INTS4: variants seen among roughly 807,000 people sequenced by gnomAD.
The protein encoded by INTS4 is MSTP093.
A neutral mutation model predicts 119.5 loss-of-function variants in INTS4; 70 were observed. The observed-to-expected ratio is 0.59, with a 90% CI of 0.48 to 0.71. The LOEUF (loss-of-function observed/expected upper bound fraction) is 0.71, where lower values mean the gene tolerates loss of function less well. INTS4 is among the 30% of genes least tolerant of loss of function. The probability of loss-of-function intolerance (pLI) is 0.00; values close to 1 mark genes in which losing one functional copy is unlikely to be tolerated. For synonymous variants in INTS4, 316 were observed against 419.6 expected (o/e 0.75, Z 3.02); for missense variants, 867 against 1,173.2 (o/e 0.74, Z 3.81).
At chr11:77,911,302 T>C (rs963793435) in intron 15 of INTS4, 26 of 302,964 alleles carry the variant, frequency 8.6e-5, no homozygotes, top group Admixed American at 1.6e-4. Flanking sequence ...GCCAAGACCA[T>C]AGACTAGCTA....
chr11:77,945,682 G>A (rs1310066677), intron 8 of INTS4, among the ~76,000 whole-genome samples: 1 of 152,106 alleles, frequency 6.6e-6, no homozygotes, highest in Non-Finnish European at 1.5e-5. Flanking sequence ...TGCCAAGTAT[G>A]CACACGCCAG....
In INTS4 at chr11:77,949,000, C is replaced by T. The variant is rs192151035; in HGVS notation, c.918+6942G>A. Among the ~76,000 whole-genome samples the T allele has an allele frequency of 8.1e-3, 1,237 of 152,042 alleles. 12 individuals are homozygous for T. The highest frequency in any genetic ancestry group is 0.014 in the Non-Finnish European group (922 of 67,986). ...CAATCTGGTTTTTAGTTTTTTTTAG[C>T]GACAGTTTCGCTGTTATCCAGGCTG... On this transcript the variant is annotated intron_variant, in intron 8 of 22. Coordinates refer to ENST00000534064, the MANE Select transcript of INTS4 (RefSeq NM_033547.4).
intron 10 of INTS4, among the ~76,000 whole-genome samples, chr11:77,936,495 G>C (rs1422135930): frequency 1.3e-5 from 2 of 152,064 alleles, no homozygotes; most frequent in East Asian, 1.9e-4. Flanking sequence ...CAATCCTCCT[G>C]CCTCAGCCTC....
intron 4 of INTS4, among the ~76,000 whole-genome samples, chr11:77,973,175 G>A (rs1219925990): frequency 2.0e-5 from 3 of 151,994 alleles, no homozygotes; most frequent in Non-Finnish European, 4.4e-5. Context: ...TACTGTAATT[G>A]AATTATTTTC....
chr11:77,937,174 C>G (rs59622740), intron 10 of INTS4, among the ~76,000 whole-genome samples: 1 of 151,194 alleles, frequency 6.6e-6, no homozygotes, highest in Non-Finnish European at 1.5e-5. Flanking sequence ...CCCCGCCACA[C>G]CCCCCGAAAA....
At chr11:77,897,776 G>A (rs1952595718) in intron 18 of INTS4, among the ~76,000 whole-genome samples, 1 of 151,456 alleles carries the variant, frequency 6.6e-6, no homozygotes, top group Non-Finnish European at 1.5e-5. Context: ...AAGTGCTGGG[G>A]TTACAGGCGT....
intron 4 of INTS4, among the ~76,000 whole-genome samples, chr11:77,974,215 T>C (rs547923184): frequency 6.6e-6 from 1 of 150,804 alleles, no homozygotes; most frequent in Non-Finnish European, 1.5e-5. Flanking sequence ...TTATCTAATT[T>C]ATTGGTATAT....
intron 15 of INTS4, among the ~76,000 whole-genome samples, chr11:77,917,646 A>AGAATTT (rs1389741165): frequency 2.0e-5 from 3 of 150,564 alleles, no homozygotes; most frequent in African/African-American, 7.3e-5. Context: ...CAAACAATAA[A>AGAATTT]GAATTTAAAC....
intron 4 of INTS4, among the ~76,000 whole-genome samples, chr11:77,964,892 C>T (rs772053365): frequency 2.9e-4 from 44 of 151,994 alleles, no homozygotes; most frequent in African/African-American, 9.2e-4. Context: ...TATCTCTCCA[C>T]AAATTATCTA....
intron 21 of INTS4, among the ~76,000 whole-genome samples, chr11:77,888,569 G>C (rs952646508): frequency 6.6e-6 from 1 of 152,116 alleles, no homozygotes; most frequent in Admixed American, 6.6e-5. Context: ...CCAAAATTGA[G>C]AAATGGGATC....
rs1188212500 is a variant in INTS4 at position 77,963,470 on chromosome 11, T to C, written c.472-2332A>G. On this transcript the variant is annotated intron_variant, in intron 4 of 22. Transcript: ENST00000534064. ...CAGATGCTATTTGGGTGTTACACATTTTGTCAGGCCATTGAAGTGCCATAA... is the reference window on the plus strand; with the variant it reads ...CAGATGCTATTTGGGTGTTACACATCTTGTCAGGCCATTGAAGTGCCATAA... The C allele has an allele frequency of 7.0e-6, 3 of 427,636 alleles. No homozygotes were observed. The East Asian group carries it at 2.2e-4, about 31-fold the overall frequency. 26.5% of individuals were successfully genotyped at this position (427,636 alleles called of 1,614,324 possible).
rs761413174 is a variant in INTS4 at position 77,938,683 on chromosome 11, G to A, written c.1133C>T (p.Ala378Val). 15 of 1,611,564 alleles carry A rather than the reference G, an allele frequency of 9.3e-6. No homozygotes were observed. The Admixed American group carries it at 1.3e-4, about 14-fold the overall frequency. Residue 378 changes from alanine (A) to valine (V), a missense_variant, in exon 10 of 23, where the codon GCT becomes GTT. This residue lies in a region of INTS4 where 208 missense variants were observed against 306.6 expected (regional missense o/e 0.68). Coordinates refer to ENST00000534064, the MANE Select transcript of INTS4 (RefSeq NM_033547.4). The part of the protein sequence containing the change: ...VNLIESGACG[A>V]FVHGLEDEMY... ...CTCATCTTCCAACCCATGAACAAAA[G>A]CTCCACAAGCTCCTGACTCAATCAA...
intron 8 of INTS4, among the ~76,000 whole-genome samples, chr11:77,944,716 T>C (rs181770035): frequency 6.6e-6 from 1 of 152,338 alleles, no homozygotes; most frequent in East Asian, 1.9e-4. Context: ...AATCCAAAAC[T>C]TTTTGAGTAC....
rs1204398208 is a variant in INTS4 at position 77,880,672 on chromosome 11, T to C, written c.2714-1545A>G. 2.0e-5 allele frequency among the ~76,000 whole-genome samples: 3 copies of C among 152,290 alleles called. No individual in the cohort carries two copies. In the East Asian group the frequency reaches 5.8e-4, roughly 29 times the overall value. On this transcript the variant is annotated intron_variant, in intron 22 of 22. Transcript: ENST00000534064. ...ATAGCACTTTCAAGAAGCCAAATCC[T>C]GGTAAGAGCTGGATAAGGCTCAAGC...
chr11:77,881,958 C>A (rs1035277697), intron 22 of INTS4, among the ~76,000 whole-genome samples: 1 of 151,094 alleles, frequency 6.6e-6, no homozygotes, highest in Non-Finnish European at 1.5e-5. Context: ...GTTACCCAGG[C>A]TGGAGTGTAG....
chr11:77,982,600 G>T (rs979818415), intron 2 of INTS4, among the ~76,000 whole-genome samples: 1 of 152,096 alleles, frequency 6.6e-6, no homozygotes, highest in Admixed American at 6.6e-5. Flanking sequence ...TCTCTAATGG[G>T]CACCAAAATT....
chr11:77,879,702 T>C (rs1215283761), intron 22 of INTS4, among the ~76,000 whole-genome samples: 1 of 152,216 alleles, frequency 6.6e-6, no homozygotes, highest in African/African-American at 2.4e-5. Context: ...CTAGTGTCTC[T>C]ATGTGGCAGG....
intron 3 of INTS4, among the ~76,000 whole-genome samples, chr11:77,979,727 C>T (rs112408979): frequency 0.012 from 1,754 of 150,044 alleles, 28 homozygotes; most frequent in African/African-American, 0.04. Flanking sequence ...TGCCTGTAAT[C>T]CCAGCACTTT....
At chr11:77,991,431 C>T in intron 1 of INTS4, 132 bp from the exon 2 acceptor site, 1 of 735,874 alleles carries the variant, frequency 1.4e-6, no homozygotes, top group Non-Finnish European at 2.2e-6. Context: ...GTATTATAAA[C>T]CAGAAAGAGT....
Sources: allele counts gnomAD v4.1 joint callset (sites outside exome capture counted in the v4.1 genomes callset), GRCh38; gene constraint gnomAD v4.1.1; regional missense constraint gnomAD v4.1.1; transcripts MANE v1.5; gene names NCBI Gene and HGNC (gene_info 2026-07-23, HGNC 2026-07-21).